GADL1: variants seen among roughly 807,000 people sequenced by gnomAD.
GADL1 encodes GAD like acidic amino acid decarboxylase 1, also known as acidic amino acid decarboxylase GADL1.
GADL1 carries 71 observed loss-of-function variants against 69.5 expected under a neutral mutation model. The ratio of observed to expected loss-of-function variants is 1.02; its 90% confidence interval spans 0.84 to 1.25. The LOEUF is 1.25. GADL1 is among the 50% of genes most tolerant of loss of function. The pLI is 0.00. For synonymous variants in GADL1, 254 were observed against 214.4 expected (o/e 1.18, Z -1.62); for missense variants, 737 against 631.8 (o/e 1.17, Z -1.79).
chr3:30,739,260 A>G (rs922195187), intron 14 of GADL1, among the ~76,000 whole-genome samples: 1 of 152,204 alleles, frequency 6.6e-6, no homozygotes, highest in Non-Finnish European at 1.5e-5. Context: ...ATCTTGTTCT[A>G]TACAGGCTGC....
intron 2 of GADL1, among the ~76,000 whole-genome samples, chr3:30,860,641 A>T (rs1273127714): frequency 2.6e-5 from 4 of 152,040 alleles, no homozygotes; most frequent in Non-Finnish European, 5.9e-5. Context: ...CCTCACTTTC[A>T]AAATCTTTTA....
intron 14 of GADL1, among the ~76,000 whole-genome samples, chr3:30,762,963 CTTTATCTGTAGATGG>C (rs891282895): frequency 1.4e-4 from 22 of 152,170 alleles, no homozygotes; most frequent in Non-Finnish European, 3.1e-4. Context: ...ATGTACCATA[CTTTATCTGTAGATGG>C]ACACTTAGGT....
At chr3:30,796,251 G>A (rs947376784) in intron 12 of GADL1, among the ~76,000 whole-genome samples, 1 of 152,164 alleles carries the variant, frequency 6.6e-6, no homozygotes, top group South Asian at 2.1e-4. Flanking sequence ...AGGGAACAGA[G>A]CTTCCTGGAC....
At chr3:30,890,196 A>G (rs556960236) in intron 1 of GADL1, among the ~76,000 whole-genome samples, 1 of 152,340 alleles carries the variant, frequency 6.6e-6, no homozygotes, top group South Asian at 2.1e-4. Context: ...TGCAAAAATG[A>G]AAAGAACTTA....
At chr3:30,874,059 C>T (rs777741401) in intron 1 of GADL1, among the ~76,000 whole-genome samples, 7 of 151,884 alleles carry the variant, frequency 4.6e-5, no homozygotes, top group African/African-American at 7.2e-5. Context: ...GGAGGGAGGA[C>T]ACTGTTACCT....
At chr3:30,791,454 C>T (rs189463481) in intron 12 of GADL1, among the ~76,000 whole-genome samples, 45 of 152,134 alleles carry the variant, frequency 3.0e-4, no homozygotes, top group East Asian at 9.7e-4. Context: ...TCCTCATGCA[C>T]GTAAAGATGT....
intron 1 of GADL1, among the ~76,000 whole-genome samples, chr3:30,865,300 TATATA>T (rs770746942): frequency 6.7e-5 from 10 of 148,918 alleles, no homozygotes; most frequent in African/African-American, 2.0e-4. Flanking sequence ...TATATATATA[TATATA>T]TTTTTTAATA....
intron 14 of GADL1, among the ~76,000 whole-genome samples, chr3:30,766,159 T>C (rs1200689180): frequency 2.0e-5 from 3 of 152,266 alleles, no homozygotes; most frequent in African/African-American, 7.2e-5. Flanking sequence ...GAAACAAGTA[T>C]ATATCTGAGG....
Position 30,870,745 on chromosome 3 carries a change from T to C in GADL1, c.38-8980A>G, listed in dbSNP as rs368054008. Among the ~76,000 whole-genome samples the C allele has an allele frequency of 6.8e-4, 103 of 151,428 alleles. 2 individuals are homozygous for C. The highest frequency in any genetic ancestry group is 2.3e-3 in the African/African-American group (93 of 41,174). On this transcript the variant is annotated intron_variant, in intron 1 of 14. Coordinates refer to ENST00000282538, the MANE Select transcript of GADL1 (RefSeq NM_207359.3). ...GCAAAGTGCTGCAACTTGGGAGATA[T>C]TTAGGTGATAAAGCTTAAAGAACTT...
intron 13 of GADL1, among the ~76,000 whole-genome samples, chr3:30,783,691 C>A (rs1156846418): frequency 3.9e-5 from 6 of 152,118 alleles, no homozygotes; most frequent in Admixed American, 3.3e-4. Context: ...AATCCTTACA[C>A]CAGGAATTCT....
At chr3:30,793,728 T>C (rs1359634619) in intron 12 of GADL1, among the ~76,000 whole-genome samples, 14 of 152,196 alleles carry the variant, frequency 9.2e-5, no homozygotes, top group African/African-American at 3.4e-4. Flanking sequence ...CCTTTGTTTT[T>C]ATTTTTCTTG....
chr3:30,887,038 A>G (rs894521859), intron 1 of GADL1, among the ~76,000 whole-genome samples: 4 of 152,184 alleles, frequency 2.6e-5, no homozygotes, highest in African/African-American at 9.7e-5. Context: ...AGGAAGCTCG[A>G]CCTCAGAACT....
chr3:30,774,143 T>G (rs570563433), intron 14 of GADL1, among the ~76,000 whole-genome samples: 5 of 152,240 alleles, frequency 3.3e-5, no homozygotes, highest in Admixed American at 6.5e-5. Flanking sequence ...CTAGGAAATT[T>G]GGGTAAATGT....
chr3:30,770,219 G>GT (rs550570940), intron 14 of GADL1, among the ~76,000 whole-genome samples: 46 of 152,248 alleles, frequency 3.0e-4, no homozygotes, highest in African/African-American at 1.1e-3. Flanking sequence ...ACGTACTTGG[G>GT]TTTGCAACTC....
intron 14 of GADL1, among the ~76,000 whole-genome samples, chr3:30,772,904 C>T (rs1464543901): frequency 1.3e-5 from 2 of 152,010 alleles, no homozygotes; most frequent in Admixed American, 6.6e-5. Flanking sequence ...TGTAACTCTA[C>T]CACAATGCCC....
chr3:30,758,531 G>A (rs1023915318), intron 14 of GADL1, among the ~76,000 whole-genome samples: 2 of 151,864 alleles, frequency 1.3e-5, no homozygotes, highest in African/African-American at 4.9e-5. Flanking sequence ...CTACCTCATA[G>A]AGGGTGGTTG....
intron 11 of GADL1, among the ~76,000 whole-genome samples, chr3:30,828,882 C>T (rs988185344): frequency 6.6e-6 from 1 of 151,962 alleles, no homozygotes; most frequent in East Asian, 1.9e-4. Context: ...CTAACTATTG[C>T]TCTTCCACTT....
chr3:30,877,165 G>A (rs1698587451), intron 1 of GADL1, among the ~76,000 whole-genome samples: 1 of 151,812 alleles, frequency 6.6e-6, no homozygotes, highest in African/African-American at 2.4e-5. Flanking sequence ...CTCTATGGAG[G>A]TCACATAGCT....
rs370138580 is a variant in GADL1, at chr3:30,773,079, AAT to A, written c.1392+5098_1392+5099del. 3.1e-3 allele frequency among the ~76,000 whole-genome samples: 471 copies of A among 152,250 alleles called. 3 individuals carry two copies. The highest frequency in any genetic ancestry group is 0.011 in the African/African-American group (451 of 41,520). On this transcript the variant is annotated intron_variant, in intron 14 of 14. Coordinates refer to ENST00000282538, the MANE Select transcript of GADL1 (RefSeq NM_207359.3). ...AATACCTGGGAACACATCATGAGAA[AAT>A]AGTTTGCAAACTAATTAATTATTGT...
Sources: gnomAD v4.1 joint callset for allele counts (sites outside exome capture counted in the v4.1 genomes callset) on GRCh38, gnomAD v4.1.1 for gene constraint, MANE v1.5 for transcripts, NCBI Gene and HGNC (gene_info 2026-07-23, HGNC 2026-07-21) for gene names.